Variants in BNC2 observed in about 807,000 individuals in gnomAD.
BNC2 encodes the protein basonuclin zinc finger protein 2.
Under a neutral mutation model 76.3 loss-of-function variants are expected in BNC2, and 20 were observed. That is an observed-to-expected ratio of 0.26 (90% CI 0.18 to 0.38). The LOEUF is 0.38. BNC2 is among the 10% of genes least tolerant of loss of function. The pLI, the probability that BNC2 is intolerant of heterozygous loss-of-function variation, is 1.00. For synonymous variants in BNC2, 582 were observed against 514.8 expected (o/e 1.13, Z -1.77); for missense variants, 1,382 against 1,399.8 (o/e 0.99, Z 0.20).
rs1291914813 is a variant in BNC2, at chr9:16,414,942, G to A, written c.*4047C>T. ...AGTTTTTTTTTTTTTTTTTTCCTTA[G>A]AGCAATGTATAATAATGGGGCTGTT... On this transcript the variant is annotated 3_prime_UTR_variant, in exon 7 of 7. Transcript: ENST00000380672. The A allele has an allele frequency of 1.4e-5, 2 of 142,974 alleles. No homozygotes were observed. Among genetic ancestry groups the A allele is most frequent in the Non-Finnish European group, 3.0e-5 (2 of 66,238 alleles). 8.9% of individuals were successfully genotyped at this position (142,974 alleles called of 1,614,324 possible). A position where few individuals can be genotyped will look rare whatever the true frequency, so the allele number is the denominator to read the frequency against.
At chr9:16,579,448 A>G (rs1819570018) in intron 4 of BNC2, among the ~76,000 whole-genome samples, 1 of 151,764 alleles carries the variant, frequency 6.6e-6, no homozygotes, top group South Asian at 2.1e-4. Flanking sequence ...ACACCGGACT[A>G]ATTTTTGTAC....
chr9:16,855,584 C>G (rs564642276), intron 1 of BNC2, among the ~76,000 whole-genome samples: 37 of 152,358 alleles, frequency 2.4e-4, no homozygotes, highest in Non-Finnish European at 4.8e-4. Context: ...GTCGCCCAGG[C>G]TGGAGTGCAG....
At chr9:16,696,230 T>G (rs1356020482) in intron 3 of BNC2, among the ~76,000 whole-genome samples, 1 of 152,192 alleles carries the variant, frequency 6.6e-6, no homozygotes, top group African/African-American at 2.4e-5. Context: ...CCCCACCAAT[T>G]ACCAATTACA....
intron 1 of BNC2, among the ~76,000 whole-genome samples, chr9:16,764,478 T>G (rs1825635298): frequency 6.6e-6 from 1 of 152,208 alleles, no homozygotes; most frequent in Non-Finnish European, 1.5e-5. Flanking sequence ...CAAGAGACCA[T>G]GAGTATATAT....
At chr9:16,600,732 G>A (rs539568512) in intron 3 of BNC2, among the ~76,000 whole-genome samples, 3 of 152,198 alleles carry the variant, frequency 2.0e-5, no homozygotes, top group Admixed American at 6.5e-5. Context: ...GCGGGGGTGC[G>A]GCGGGTGGCG....
At position 16,672,151 on chromosome 9, in the gene BNC2, G is replaced by A. The variant is rs7026721; in HGVS notation, c.330+55646C>T. Among the ~76,000 whole-genome samples the A allele has an allele frequency of 3.6e-3, 547 of 152,300 alleles. 3 individuals carry two copies. The highest frequency in any genetic ancestry group is 0.013 in the African/African-American group (528 of 41,566). ...ATCTGGGGCACTCCTATGAAGATGA[G>A]ACAAAAGATCTTTAAAATAATACAT... On this transcript the variant is annotated intron_variant, in intron 3 of 6. Transcript: ENST00000380672.
At chr9:16,716,095 C>T (rs1398339781) in intron 3 of BNC2, among the ~76,000 whole-genome samples, 2 of 152,146 alleles carry the variant, frequency 1.3e-5, no homozygotes, top group African/African-American at 4.8e-5. Flanking sequence ...CTCTGAAGCC[C>T]AAAATAGATG....
At position 16,436,358 on chromosome 9, in the gene BNC2, T is replaced by C; in HGVS notation, c.1836A>G (p.Val612=). 1 of 1,614,168 alleles carries C rather than the reference T, an allele frequency of 6.2e-7. No homozygotes were observed. Among genetic ancestry groups the C allele is most frequent in the Non-Finnish European group, 8.5e-7 (1 of 1,180,034 alleles). ...EQHPPPPSEP[V]VPAVMMATHE... ...GGGTGGCCATCATCACTGCTGGCAC[T>C]ACTGGCTCAGAGGGTGGCGGGGGGT... is the stretch of plus-strand genomic sequence containing the variant. The change falls in exon 6 of 7, where the codon GTA becomes GTG. Residue 612 remains valine, a synonymous_variant. Coordinates refer to ENST00000380672, the MANE Select transcript of BNC2 (RefSeq NM_017637.6).
chr9:16,508,821 C>CTTTTTTTTTTTTTTTTTTT (rs386414529), intron 5 of BNC2, among the ~76,000 whole-genome samples: 1 of 143,418 alleles, frequency 7.0e-6, no homozygotes. Context: ...TTTTGCACAT[C>CTTTTTTTTTTTTTTTTTTT]TTTTTTTTTT....
At chr9:16,534,436 CCT>C (rs1345718337) in intron 5 of BNC2, among the ~76,000 whole-genome samples, 1 of 152,048 alleles carries the variant, frequency 6.6e-6, no homozygotes, top group African/African-American at 2.4e-5. Context: ...CCTTCATTAC[CCT>C]TTCCCTTAAT....
chr9:16,753,219 T>C (rs1825273784), intron 1 of BNC2, among the ~76,000 whole-genome samples: 1 of 152,254 alleles, frequency 6.6e-6, no homozygotes, highest in Non-Finnish European at 1.5e-5. Context: ...AAAAAGATTT[T>C]AGAGTATATT....
intron 1 of BNC2, chr9:16,832,125 C>T (rs185688966): frequency 4.0e-4 from 113 of 281,182 alleles, no homozygotes; most frequent in African/African-American, 2.5e-3. Context: ...TGCAATGCAG[C>T]TTCCTGGATG....
At chr9:16,708,083 A>T (rs1823730569) in intron 3 of BNC2, among the ~76,000 whole-genome samples, 1 of 152,244 alleles carries the variant, frequency 6.6e-6, no homozygotes, top group Admixed American at 6.5e-5. Flanking sequence ...AATCAGAACA[A>T]TACAGAACCT....
At chr9:16,784,429 G>A (rs756557103) in intron 1 of BNC2, among the ~76,000 whole-genome samples, 17 of 152,140 alleles carry the variant, frequency 1.1e-4, no homozygotes, top group Non-Finnish European at 2.2e-4. Flanking sequence ...TCCCACAAGG[G>A]ACAAAGTAAT....
chr9:16,666,002 C>T (rs759252382), intron 3 of BNC2, among the ~76,000 whole-genome samples: 17 of 151,840 alleles, frequency 1.1e-4, no homozygotes, highest in Middle Eastern at 3.2e-3. Flanking sequence ...GTAAATTATC[C>T]CCATTTTTTT....
chr9:16,457,751 G>C (rs1207797521), intron 5 of BNC2, among the ~76,000 whole-genome samples: 1 of 152,178 alleles, frequency 6.6e-6, no homozygotes, highest in African/African-American at 2.4e-5. Context: ...TCTTTCATCA[G>C]GTGAGGAAAT....
chr9:16,746,186 G>T (rs778502499), intron 1 of BNC2, among the ~76,000 whole-genome samples: 21 of 152,132 alleles, frequency 1.4e-4, no homozygotes, highest in Non-Finnish European at 2.4e-4. Flanking sequence ...CACCCAGGAG[G>T]TTGATAATCT....
In BNC2 at chr9:16,410,050, C is replaced by G. The variant is rs1476602039; in HGVS notation, c.*8939G>C. On this transcript the variant is annotated 3_prime_UTR_variant, in exon 7 of 7. Coordinates refer to ENST00000380672, the MANE Select transcript of BNC2 (RefSeq NM_017637.6). ...TTGCTGTCAAATATGGAGGCTGAGT[C>G]CAATAATTTTGTTACTGGAGACACA... 6.6e-6 allele frequency: 1 copy of G among 152,156 alleles called. No individual in the cohort carries two copies. The highest frequency in any genetic ancestry group is 2.4e-5 in the African/African-American group (1 of 41,432). 9.4% of individuals were successfully genotyped at this position (152,156 alleles called of 1,614,324 possible). A position where few individuals can be genotyped will look rare whatever the true frequency, so the allele number is the denominator to read the frequency against.
chr9:16,830,586 G>A (rs900153960), intron 1 of BNC2, among the ~76,000 whole-genome samples: 4 of 152,214 alleles, frequency 2.6e-5, no homozygotes, highest in Middle Eastern at 3.4e-3. Context: ...TTGAATCTGC[G>A]GGCGCAGAAA....
Sources: allele counts gnomAD v4.1 joint callset (sites outside exome capture counted in the v4.1 genomes callset), GRCh38; gene constraint gnomAD v4.1.1; transcripts MANE v1.5; gene names NCBI Gene and HGNC (gene_info 2026-07-23, HGNC 2026-07-21).